Variants in CTNNA2 observed in about 807,000 individuals in gnomAD.
The protein encoded by CTNNA2 is catenin alpha 2.
In CTNNA2, 42 loss-of-function variants were observed where a neutral mutation model predicts 101.0. That is an observed-to-expected ratio of 0.42 (90% CI 0.32 to 0.54). CTNNA2 has a LOEUF of 0.54. Ranked by LOEUF, CTNNA2 falls within the 20% of genes least tolerant of loss-of-function variation. The pLI is 0.14. For synonymous variants in CTNNA2, 450 were observed against 456.4 expected, an observed-to-expected ratio of 0.99 and a Z score of 0.18; for missense variants, 871 against 1,223.1, an observed-to-expected ratio of 0.71 and a Z score of 4.29.
At chr2:79,508,965 A>G (rs1671472748), upstream of CTNNA2, among the ~76,000 whole-genome samples, 3 of 1,476 alleles carry the variant, frequency 2.0e-3, no homozygotes, top group Non-Finnish European at 3.7e-3. Context: ...GTATATATAT[A>G]TATATATATA....
At chr2:80,361,353 A>G (rs918744125) in intron 7 of CTNNA2, among the ~76,000 whole-genome samples, 5 of 152,142 alleles carry the variant, frequency 3.3e-5, no homozygotes, top group African/African-American at 1.2e-4. Flanking sequence ...ACACCATTAT[A>G]TTAGTTTTTT....
rs139809392 is a variant in CTNNA2, at chr2:79,688,856, G to A, written c.102+37198G>A. 1.2e-4 allele frequency among the ~76,000 whole-genome samples: 19 copies of A among 152,120 alleles called. No homozygotes were observed. The East Asian group carries it at 2.7e-3, about 22-fold the overall frequency. ...TTGCTGCATACAAATTATCCCAAATGTAGTGTTCTGAAACTATTTTCTATG... is the reference window on the plus strand; with the variant it reads ...TTGCTGCATACAAATTATCCCAAATATAGTGTTCTGAAACTATTTTCTATG... On this transcript the variant is annotated intron_variant, in intron 2 of 18. Transcript: ENST00000402739.
chr2:79,976,849 C>T (rs1690883748), intron 7 of CTNNA2, among the ~76,000 whole-genome samples: 2 of 152,138 alleles, frequency 1.3e-5, no homozygotes, highest in Admixed American at 1.3e-4. Flanking sequence ...ATCATACTTG[C>T]CCTCTTAAAG....
intron 7 of CTNNA2, among the ~76,000 whole-genome samples, chr2:79,927,010 A>G (rs1381191119): frequency 6.6e-6 from 1 of 152,192 alleles, no homozygotes; most frequent in Non-Finnish European, 1.5e-5. Context: ...CAGCAATAAG[A>G]GAAATCAAAG....
intron 3 of CTNNA2, among the ~76,000 whole-genome samples, chr2:79,315,768 T>G (rs1232391961): frequency 1.3e-5 from 2 of 152,152 alleles, no homozygotes; most frequent in African/African-American, 4.8e-5. Flanking sequence ...TTAGTGTATA[T>G]ACATAGGAGT....
intron 2 of CTNNA2, among the ~76,000 whole-genome samples, chr2:79,211,127 TGAG>T (rs1674166681): frequency 6.6e-6 from 1 of 152,190 alleles, no homozygotes. Flanking sequence ...TTGAGCTTCT[TGAG>T]GAGGAATCCA....
chr2:79,478,999 A>G (rs1671081015), intron 4 of CTNNA2, among the ~76,000 whole-genome samples: 1 of 152,162 alleles, frequency 6.6e-6, no homozygotes. Flanking sequence ...TATCAACCTT[A>G]CTGAAGGGGA....
At chr2:79,898,049 C>T (rs1247891527) in intron 6 of CTNNA2, among the ~76,000 whole-genome samples, 1 of 152,172 alleles carries the variant, frequency 6.6e-6, no homozygotes, top group Non-Finnish European at 1.5e-5. Context: ...TTGGAGGTGA[C>T]ACATGTAAAC....
At chr2:79,332,531 A>G (rs1420221997) in intron 3 of CTNNA2, among the ~76,000 whole-genome samples, 4 of 152,224 alleles carry the variant, frequency 2.6e-5, no homozygotes, top group Non-Finnish European at 4.4e-5. Flanking sequence ...AGACATCAGT[A>G]GGATTGTAGA....
chr2:79,395,943 T>C (rs1047164272), intron 4 of CTNNA2, among the ~76,000 whole-genome samples: 1 of 152,176 alleles, frequency 6.6e-6, no homozygotes, highest in African/African-American at 2.4e-5. Context: ...TAGCACATAG[T>C]ACACACTCAC....
intron 3 of CTNNA2, among the ~76,000 whole-genome samples, chr2:79,347,084 A>G (rs752005694): frequency 6.6e-6 from 1 of 152,184 alleles, no homozygotes; most frequent in Non-Finnish European, 1.5e-5. Context: ...TGTACCCCCT[A>G]ACCTAACATT....
rs1256329692 is a variant in CTNNA2, at chr2:80,647,843, A to G, written c.2833A>G (p.Ser945Gly). ...ACACATTTCGCCTGTACAGGCTTTA[A>G]GTGAATTCAAAGCAATGGATTCCTT... is the stretch of plus-strand genomic sequence containing the variant. ...KKHISPVQAL[S>G]EFKAMDSF Residue 945 changes from serine to glycine, a missense_variant, in exon 19 of 19, where the codon AGT (serine) becomes GGT (glycine). Physicochemically the swap from Ser to Gly is moderately conservative, Grantham distance 56. Around this residue, in one of 5 missense-constraint regions of CTNNA2, gnomAD observed 41 missense variants for 45.1 expected, o/e 0.91. Coordinates refer to ENST00000402739, the MANE Select transcript of CTNNA2 (RefSeq NM_001282597.3). 1 of 1,609,148 alleles carries G rather than the reference A, an allele frequency of 6.2e-7. No individual in the cohort carries two copies. Among genetic ancestry groups the G allele is most frequent in the East Asian group, 2.2e-5 (1 of 44,760 alleles).
chr2:79,749,337 A>G (rs1310902460), intron 3 of CTNNA2, among the ~76,000 whole-genome samples: 1 of 152,182 alleles, frequency 6.6e-6, no homozygotes, highest in East Asian at 1.9e-4. Flanking sequence ...GGCTTATGAT[A>G]GCATTTATAT....
At chr2:79,586,507 G>GTTTTC (rs201684019) in intron 1 of CTNNA2, among the ~76,000 whole-genome samples, 2 of 130,284 alleles carry the variant, frequency 1.5e-5, no homozygotes, top group Middle Eastern at 3.6e-3. Flanking sequence ...AGGTGTTTAG[G>GTTTTC]TTTTCTTTTC....
chr2:79,949,007 A>C, intron 7 of CTNNA2, among the ~76,000 whole-genome samples: 1 of 152,254 alleles, frequency 6.6e-6, no homozygotes, highest in Non-Finnish European at 1.5e-5. Flanking sequence ...ATGGATAAAT[A>C]AATAAATAAA....
intron 7 of CTNNA2, among the ~76,000 whole-genome samples, chr2:80,264,999 G>C (rs1395651330): frequency 6.7e-6 from 1 of 148,978 alleles, no homozygotes; most frequent in African/African-American, 2.5e-5. Flanking sequence ...TTTTGAGGTG[G>C]AGTCTTGCTC....
At chr2:80,621,188 G>A (rs1558651725) in intron 18 of CTNNA2, among the ~76,000 whole-genome samples, 1 of 151,772 alleles carries the variant, frequency 6.6e-6, no homozygotes, top group Non-Finnish European at 1.5e-5. Flanking sequence ...TCTGTAAAAT[G>A]ATGGTAGATG....
At chr2:80,046,526 G>A (rs1489869161) in intron 7 of CTNNA2, among the ~76,000 whole-genome samples, 1 of 150,840 alleles carries the variant, frequency 6.6e-6, no homozygotes, top group African/African-American at 2.5e-5. Context: ...GCTGAGAGCT[G>A]TGGTGTTCAA....
chr2:79,345,029 A>T (rs750826054), intron 3 of CTNNA2, among the ~76,000 whole-genome samples: 3 of 151,118 alleles, frequency 2.0e-5, no homozygotes, highest in African/African-American at 7.3e-5. Flanking sequence ...GAGTGTATGT[A>T]TTCCCGTAAC....
Sources: allele counts gnomAD v4.1 joint callset (sites outside exome capture counted in the v4.1 genomes callset), GRCh38; gene constraint gnomAD v4.1.1; regional missense constraint gnomAD v4.1.1; transcripts MANE v1.5; gene names NCBI Gene and HGNC (gene_info 2026-07-23, HGNC 2026-07-21).